Variants in OCSTAMP observed in about 807,000 individuals in gnomAD.
OCSTAMP encodes the protein transmembrane protein C20orf123.
Under a neutral mutation model 25.2 loss-of-function variants are expected in OCSTAMP, and 17 were observed. The observed-to-expected ratio is 0.68, with a 90% CI of 0.46 to 1.01. The LOEUF (loss-of-function observed/expected upper bound fraction) is 1.01, where lower values mean the gene tolerates loss of function less well. Among genes scored for constraint, OCSTAMP ranks in the 50% least tolerant of loss-of-function variants. The pLI is 0.00. For synonymous variants in OCSTAMP, 345 were observed against 318.9 expected, an observed-to-expected ratio of 1.08 and a Z score of -0.87; for missense variants, 664 against 694.6, an observed-to-expected ratio of 0.96 and a Z score of 0.50.
chr20:46,544,343 A>T (rs1361104837), intron 2 of OCSTAMP, among the ~76,000 whole-genome samples: 2 of 152,252 alleles, frequency 1.3e-5, no homozygotes, highest in Non-Finnish European at 2.9e-5. Context: ...GTAATCTTAT[A>T]ATTTTCCAGT....
In OCSTAMP at chr20:46,550,543, T is replaced by C. The variant is rs1336832806; in HGVS notation, c.18A>G (p.Gly6=). The C allele has an allele frequency of 1.3e-6, 2 of 1,551,670 alleles. No individual in the cohort carries two copies. The highest frequency in any genetic ancestry group is 3.9e-5 in the Admixed American group (2 of 50,998). MPGHP[G]AAEQLVKTGW... is the part of the protein sequence containing the mutation. ...CGGTCTTGACAAGTTGCTCAGCTGC[T>C]CCTGGGTGGCCTGGCATGCTGTCCA... Residue 6 remains glycine, a synonymous_variant, in exon 1 of 3, where the codon GGA becomes GGG. Coordinates refer to ENST00000279028, the MANE Select transcript of OCSTAMP (RefSeq NM_080721.3).
intron 2 of OCSTAMP, 106 bp from the exon 3 acceptor site, chr20:46,542,033 T>A (rs1298252550): frequency 1.3e-5 from 18 of 1,347,230 alleles, no homozygotes; most frequent in Non-Finnish European, 1.7e-5. Flanking sequence ...GCAAAATGGT[T>A]ACAGAAATAA....
rs1472700814 is a variant in OCSTAMP at position 46,541,450 on chromosome 20, A to G, written c.1525T>C (p.Cys509Arg). The change falls in exon 3 of 3, where the codon TGT becomes CGT. Residue 509 changes from cysteine (C) to arginine (R), a missense_variant. Transcript: ENST00000279028. ...KELWSCRDLS[C>R]NLGPVPPPCV... The stretch of plus-strand genomic sequence containing the variant: ...GGAGGCGGCACAGGACCAAGGTTAC[A>G]ACTCAGGTCTCTGCAACTCCAAAGC... The G allele has an allele frequency of 2.6e-6, 4 of 1,535,372 alleles. No individual in the cohort carries two copies. The Admixed American group carries it at 7.8e-5, about 30-fold the overall frequency.
At chr20:46,544,229 A>AAAAGG (rs1173171685) in intron 2 of OCSTAMP, among the ~76,000 whole-genome samples, 1 of 152,178 alleles carries the variant, frequency 6.6e-6, no homozygotes, top group African/African-American at 2.4e-5. Flanking sequence ...CCTGTCTCAA[A>AAAAGG]AAAGGAAAGA....
chr20:46,550,029 C>T (rs1430072800), intron 1 of OCSTAMP, among the ~76,000 whole-genome samples: 1 of 152,164 alleles, frequency 6.6e-6, no homozygotes, highest in Non-Finnish European at 1.5e-5. Flanking sequence ...CGTCTGCACA[C>T]CCAGGTGGCC....
At chr20:46,548,516 G>A (rs771291022) in intron 1 of OCSTAMP, among the ~76,000 whole-genome samples, 45 of 152,218 alleles carry the variant, frequency 3.0e-4, no homozygotes, top group Non-Finnish European at 6.5e-4. Flanking sequence ...ATGGATGCTT[G>A]AAGAGGAAGA....
chr20:46,550,058 T>A (rs1174058507), intron 1 of OCSTAMP, among the ~76,000 whole-genome samples: 2 of 152,152 alleles, frequency 1.3e-5, no homozygotes, highest in African/African-American at 4.8e-5. Flanking sequence ...GTGCAACCCC[T>A]TCCCAGCTCC....
At chr20:46,547,076 G>A (rs1038755721) in intron 1 of OCSTAMP, among the ~76,000 whole-genome samples, 1 of 152,134 alleles carries the variant, frequency 6.6e-6, no homozygotes, top group Non-Finnish European at 1.5e-5. Flanking sequence ...ATTGGTTGTG[G>A]GGTGTGAGAG....
Position 46,546,246 on chromosome 20 carries a change from G to T in OCSTAMP, c.128C>A (p.Ala43Asp). Reference sequence around the variant, plus strand: ...CTGGGTCAGCAGCTGGCCACAGCTGGCTGGAACAGGCTGGGAGAAGGCGTC... The same window carrying T: ...CTGGGTCAGCAGCTGGCCACAGCTGTCTGGAACAGGCTGGGAGAAGGCGTC... ...AWDAFSQPVP[A>D]SCGQLLTQLL... Residue 43 changes from alanine (A) to aspartate (D), a missense_variant, in exon 2 of 3, where the codon GCC becomes GAC. Ala to Asp is a moderately radical substitution (Grantham distance 126). Transcript: ENST00000279028. The T allele has an allele frequency of 6.4e-7, 1 of 1,551,178 alleles. No individual in the cohort carries two copies. The highest frequency in any genetic ancestry group is 8.7e-7 in the Non-Finnish European group (1 of 1,146,962).
At chr20:46,547,628 G>A (rs996923923) in intron 1 of OCSTAMP, among the ~76,000 whole-genome samples, 8 of 152,230 alleles carry the variant, frequency 5.3e-5, no homozygotes, top group Non-Finnish European at 7.3e-5. Flanking sequence ...CCTATTAGCC[G>A]CTTAGAGGTC....
chr20:46,547,543 T>C (rs2146055247), intron 1 of OCSTAMP, among the ~76,000 whole-genome samples: 1 of 152,098 alleles, frequency 6.6e-6, no homozygotes, highest in Admixed American at 6.5e-5. Flanking sequence ...ATAAACAAAA[T>C]GTTTCAAGGA....
At chr20:46,546,366 AGGTG>A (rs1363935353) in intron 1 of OCSTAMP, 37 bp from the exon 2 acceptor site, 80 of 774,132 alleles carry the variant, frequency 1.0e-4, no homozygotes, top group Non-Finnish European at 1.5e-4. Context: ...CTCTATCAGG[AGGTG>A]GGTGGGTGGG....
Position 46,541,518 on chromosome 20 carries a change from A to G in OCSTAMP, c.1457T>C (p.Leu486Pro). ...CKPPAWIDYR[L>P]DALRTESSEG... The stretch of plus-strand genomic sequence containing the variant: ...ACTGCTCTCGGTTCTTAAGGCATCC[A>G]GCCTGTAGTCTATCCATGCCGGAGG... Residue 486 changes from leucine (L) to proline (P), a missense_variant, in exon 3 of 3, where the codon CTG becomes CCG. By Grantham distance (98) the Leu-to-Pro change is moderately conservative. Coordinates refer to ENST00000279028, the MANE Select transcript of OCSTAMP (RefSeq NM_080721.3). 1 of 1,551,704 alleles carries G rather than the reference A, an allele frequency of 6.4e-7. No homozygotes were observed. The highest frequency in any genetic ancestry group is 8.7e-7 in the Non-Finnish European group (1 of 1,146,948).
intron 1 of OCSTAMP, among the ~76,000 whole-genome samples, chr20:46,548,436 C>T (rs1200359734): frequency 2.6e-5 from 4 of 152,266 alleles, no homozygotes; most frequent in East Asian, 3.9e-4. Flanking sequence ...GTAGCATGAC[C>T]GATTGCTTCT....
intron 1 of OCSTAMP, among the ~76,000 whole-genome samples, chr20:46,549,632 A>T (rs79077570): frequency 6.6e-6 from 1 of 152,062 alleles, no homozygotes; most frequent in Non-Finnish European, 1.5e-5. Context: ...CATCCCTGAC[A>T]GAAGGAACAG....
chr20:46,543,195 A>C (rs552799533), intron 2 of OCSTAMP, among the ~76,000 whole-genome samples: 9 of 128,730 alleles, frequency 7.0e-5, no homozygotes, highest in African/African-American at 1.2e-4. Context: ...TCTCTCTCTC[A>C]TTCCTTCCTT....
Position 46,545,703 on chromosome 20 carries a change from C to T in OCSTAMP, c.671G>A (p.Gly224Glu). The T allele has an allele frequency of 6.4e-7, 1 of 1,551,636 alleles. No individual in the cohort carries two copies. The highest frequency in any genetic ancestry group is 8.7e-7 in the Non-Finnish European group (1 of 1,146,974). Residue 224 changes from glycine to glutamate, a missense_variant, in exon 2 of 3, where the codon GGG becomes GAG. Transcript: ENST00000279028. ...CAGCCCTGTGACCACTCGCTGGGTC[C>T]CTAGCGCTGCTGCCCGGGCCAGGGA... ...LESLARAAAL[G>E]TQRVVTGLFM...
intron 2 of OCSTAMP, among the ~76,000 whole-genome samples, chr20:46,544,948 C>T (rs544281378): frequency 6.6e-6 from 1 of 152,268 alleles, no homozygotes; most frequent in East Asian, 1.9e-4. Context: ...ATGGAGCTTA[C>T]TAGGTACTTT....
intron 2 of OCSTAMP, among the ~76,000 whole-genome samples, chr20:46,543,967 G>T (rs927477311): frequency 3.3e-4 from 51 of 152,272 alleles, no homozygotes; most frequent in African/African-American, 1.2e-3. Context: ...CCAACACTTT[G>T]GGAGGCTGAG....
Sources: gnomAD v4.1 joint callset for allele counts (sites outside exome capture counted in the v4.1 genomes callset) on GRCh38, gnomAD v4.1.1 for gene constraint, MANE v1.5 for transcripts, NCBI Gene and HGNC (gene_info 2026-07-23, HGNC 2026-07-21) for gene names.